PAPPA: variants seen among roughly 807,000 people sequenced by gnomAD.
The protein encoded by PAPPA is pappalysin 1.
PAPPA carries 60 observed loss-of-function variants against 164.0 expected under a neutral mutation model. The observed-to-expected ratio is 0.37, with a 90% CI of 0.30 to 0.45. The LOEUF (loss-of-function observed/expected upper bound fraction) is 0.45, where lower values mean the gene tolerates loss of function less well. Among genes scored for constraint, PAPPA ranks in the 20% least tolerant of loss-of-function variants. The pLI is 1.00. For missense variants in PAPPA, 1,782 were observed against 2,087.3 expected (o/e 0.85, Z 2.85); for synonymous variants, 875 against 814.1 (o/e 1.07, Z -1.27).
At chr9:116,362,804 C>G in intron 18 of PAPPA, 65 bp downstream of exon 18, 2 of 1,514,442 alleles carry the variant, frequency 1.3e-6, no homozygotes, top group East Asian at 2.3e-5. Flanking sequence ...AGGGCTAATG[C>G]CTGGGTGGGT....
chr9:116,298,745 A>G (rs147235206), intron 9 of PAPPA, among the ~76,000 whole-genome samples: 16 of 152,308 alleles, frequency 1.1e-4, no homozygotes, highest in Non-Finnish European at 2.2e-4. Flanking sequence ...AAAAGTGTGT[A>G]TGTGTGCACA....
intron 2 of PAPPA, among the ~76,000 whole-genome samples, chr9:116,196,054 A>C (rs1219974710): frequency 2.0e-5 from 3 of 152,164 alleles, no homozygotes; most frequent in African/African-American, 4.8e-5. Context: ...TAGGGAAGGA[A>C]CTGGAAGCTG....
intron 2 of PAPPA, among the ~76,000 whole-genome samples, chr9:116,192,007 C>T (rs1251485977): frequency 6.6e-6 from 1 of 152,086 alleles, no homozygotes; most frequent in Non-Finnish European, 1.5e-5. Context: ...GAGGGGATTT[C>T]CTGGCAGCAG....
intron 9 of PAPPA, among the ~76,000 whole-genome samples, chr9:116,289,973 A>C (rs1265317987): frequency 6.6e-6 from 1 of 152,238 alleles, no homozygotes; most frequent in Non-Finnish European, 1.5e-5. Flanking sequence ...ACCTAAACAA[A>C]AAATTAGAAA....
At chr9:116,319,726 ACAGACTT>A (rs1845830639) in intron 10 of PAPPA, among the ~76,000 whole-genome samples, 1 of 152,200 alleles carries the variant, frequency 6.6e-6, no homozygotes, top group African/African-American at 2.4e-5. Context: ...CTGAAGTAAC[ACAGACTT>A]CAACATCCAC....
rs541193393 is a variant in PAPPA at position 116,277,757 on chromosome 9, A to C, written c.2953+6341A>C. On this transcript the variant is annotated intron_variant, in intron 9 of 21. Coordinates refer to ENST00000328252, the MANE Select transcript of PAPPA (RefSeq NM_002581.5). ...AGCAGCATGATCTGGACTCACTGCA[A>C]CCTCCGCCTCCCAGGTTCAAGTGAT... Among the ~76,000 whole-genome samples, 12 of 151,986 alleles carry C rather than the reference A, an allele frequency of 7.9e-5. No homozygotes were observed. In the East Asian group the frequency reaches 2.1e-3, roughly 27 times the overall value.
intron 10 of PAPPA, among the ~76,000 whole-genome samples, chr9:116,319,401 G>A (rs1175445950): frequency 6.6e-6 from 1 of 152,226 alleles, no homozygotes; most frequent in African/African-American, 2.4e-5. Context: ...GCAGAACGGG[G>A]AGCTGATGCC....
intron 9 of PAPPA, among the ~76,000 whole-genome samples, chr9:116,300,382 A>G (rs1177286893): frequency 2.0e-5 from 3 of 151,572 alleles, no homozygotes; most frequent in Admixed American, 2.0e-4. Context: ...GGCTCAATAA[A>G]TCCTCCCACC....
chr9:116,367,760 T>A lies in PAPPA; in HGVS notation c.4605+6T>A. 1 of 1,596,362 alleles carries A rather than the reference T, an allele frequency of 6.3e-7. No homozygotes were observed. Among genetic ancestry groups the A allele is most frequent in the Non-Finnish European group, 8.6e-7 (1 of 1,164,372 alleles). Reference sequence around the variant, plus strand: ...TGAACCCCACACGGGTAGAGGTGAGTGACCAGGGACATCTACCCACCTGCA... The same window carrying A: ...TGAACCCCACACGGGTAGAGGTGAGAGACCAGGGACATCTACCCACCTGCA... On this transcript the variant is annotated splice_donor_region_variant and intron_variant, in intron 19 of 21. Coordinates refer to ENST00000328252, the MANE Select transcript of PAPPA (RefSeq NM_002581.5).
At chr9:116,239,352 C>G (rs149364737) in intron 7 of PAPPA, among the ~76,000 whole-genome samples, 28 of 152,252 alleles carry the variant, frequency 1.8e-4, no homozygotes, top group Admixed American at 3.9e-4. Flanking sequence ...CCATATGACA[C>G]AAAGACACAC....
intron 1 of PAPPA, among the ~76,000 whole-genome samples, chr9:116,164,815 G>C (rs898542464): frequency 2.6e-5 from 4 of 152,168 alleles, no homozygotes; most frequent in African/African-American, 7.2e-5. Flanking sequence ...GTGTTAATAG[G>C]CTAATCTTAA....
intron 2 of PAPPA, among the ~76,000 whole-genome samples, chr9:116,188,543 T>C (rs561941737): frequency 8.6e-5 from 13 of 151,442 alleles, no homozygotes; most frequent in Admixed American, 6.6e-4. Context: ...TGGGTGAGAG[T>C]TGCACAGTCC....
chr9:116,280,355 G>A (rs60792645), intron 9 of PAPPA, among the ~76,000 whole-genome samples: 3,484 of 152,250 alleles, frequency 0.023, 137 homozygotes, highest in African/African-American at 0.08. Context: ...GGGTCAAGGA[G>A]ATCTCCTTGA....
intron 6 of PAPPA, among the ~76,000 whole-genome samples, chr9:116,234,923 T>C (rs946838412): frequency 6.6e-6 from 1 of 152,172 alleles, no homozygotes; most frequent in African/African-American, 2.4e-5. Context: ...TTTGACTGAA[T>C]GTCTGGTGAT....
intron 21 of PAPPA, among the ~76,000 whole-genome samples, chr9:116,383,665 C>T (rs572381279): frequency 6.6e-6 from 1 of 152,252 alleles, no homozygotes; most frequent in Admixed American, 6.5e-5. Flanking sequence ...CCAAGGAACA[C>T]ATTCTAATCA....
chr9:116,217,520 C>T (rs1029137504), intron 4 of PAPPA, among the ~76,000 whole-genome samples: 2 of 152,146 alleles, frequency 1.3e-5, no homozygotes, highest in African/African-American at 4.8e-5. Flanking sequence ...CCCCTGTTTA[C>T]CCAAGAGTAT....
intron 13 of PAPPA, among the ~76,000 whole-genome samples, chr9:116,340,997 CTT>C (rs1185846136): frequency 6.6e-6 from 1 of 151,724 alleles, no homozygotes; most frequent in African/African-American, 2.4e-5. Flanking sequence ...TTCTCTCTCT[CTT>C]GCCCTCTCTT....
intron 2 of PAPPA, among the ~76,000 whole-genome samples, chr9:116,190,803 C>T (rs530592805): frequency 9.2e-5 from 14 of 152,256 alleles, no homozygotes; most frequent in East Asian, 1.9e-4. Flanking sequence ...TGTCTGTGAG[C>T]GACCATGAGC....
At chr9:116,194,221 C>A (rs1187072059) in intron 2 of PAPPA, among the ~76,000 whole-genome samples, 2 of 152,136 alleles carry the variant, frequency 1.3e-5, no homozygotes, top group Admixed American at 6.5e-5. Flanking sequence ...CTTGGGCAAG[C>A]CTTTTAATCT....
Sources: gnomAD v4.1 joint callset for allele counts (sites outside exome capture counted in the v4.1 genomes callset) on GRCh38, gnomAD v4.1.1 for gene constraint, MANE v1.5 for transcripts, NCBI Gene and HGNC (gene_info 2026-07-23, HGNC 2026-07-21) for gene names.